The following EFCAB6 variants were observed in gnomAD, a reference collection of about 807,000 sequenced individuals.
EFCAB6 encodes EF-hand calcium-binding domain-containing protein 6.
A neutral mutation model predicts 169.8 loss-of-function variants in EFCAB6; 156 were observed. That is an observed-to-expected ratio of 0.92 (90% confidence interval 0.81 to 1.05). EFCAB6 has a LOEUF of 1.05. Among genes scored for constraint, EFCAB6 ranks in the 50% least tolerant of loss-of-function variants. EFCAB6 has a pLI of 0.00. For missense variants in EFCAB6, 1,800 were observed against 1,829.1 expected (o/e 0.98, Z 0.29); for synonymous variants, 698 against 676.4 (o/e 1.03, Z -0.50).
chr22:43,599,146 C>T (rs774189151), intron 23 of EFCAB6, among the ~76,000 whole-genome samples: 8 of 152,102 alleles, frequency 5.3e-5, no homozygotes, highest in East Asian at 1.9e-4. Context: ...CCACAGTGGC[C>T]GCAGCAGGCA....
chr22:43,668,109 C>A (rs917932671), intron 16 of EFCAB6, among the ~76,000 whole-genome samples: 2 of 152,170 alleles, frequency 1.3e-5, no homozygotes, highest in African/African-American at 4.8e-5. Context: ...CATCTTTATG[C>A]CCATTTATAA....
rs778220874 is a variant in EFCAB6, at chr22:43,699,858, C to T, written c.1031+11617G>A. On this transcript the variant is annotated intron_variant, in intron 10 of 31. Coordinates refer to ENST00000262726, the MANE Select transcript of EFCAB6 (RefSeq NM_022785.4). ...TTTTCTGTTTGTATAGCTTCTGCCA[C>T]GCTACTATTGTTACCAGCGTGAATG... Among the ~76,000 whole-genome samples, 12 of 152,258 alleles carry T rather than the reference C, an allele frequency of 7.9e-5. No homozygotes were observed. In the East Asian group the frequency reaches 1.4e-3, roughly 17 times the overall value.
In EFCAB6 at chr22:43,540,367, G is replaced by A; in HGVS notation, c.3649-10C>T. 6.2e-7 allele frequency: 1 copy of A among 1,613,898 alleles called. No homozygotes were observed. Among genetic ancestry groups the A allele is most frequent in the Non-Finnish European group, 8.5e-7 (1 of 1,180,042 alleles). ...TCCAGAGTCTGTCAAACTGGAGAAG[G>A]AGCAGAAGTCATTTCCCAGGTGTCA... On this transcript the variant is annotated splice_polypyrimidine_tract_variant and intron_variant, in intron 27 of 31. Coordinates refer to ENST00000262726, the MANE Select transcript of EFCAB6 (RefSeq NM_022785.4).
At chr22:43,782,490 C>A (rs578095741) in intron 2 of EFCAB6, among the ~76,000 whole-genome samples, 165 bp from the exon 3 acceptor site, 4 of 152,254 alleles carry the variant, frequency 2.6e-5, no homozygotes, top group Admixed American at 6.5e-5. Context: ...AAAGTGAACA[C>A]AAAAATCATC....
chr22:43,605,565 C>T (rs1030754872), intron 22 of EFCAB6, among the ~76,000 whole-genome samples: 1 of 124,206 alleles, frequency 8.1e-6, no homozygotes, highest in African/African-American at 3.2e-5. Context: ...ATCGCTTGAA[C>T]CTGGGAGGCG....
chr22:43,664,999 G>A (rs2057179832), intron 17 of EFCAB6, among the ~76,000 whole-genome samples: 1 of 152,150 alleles, frequency 6.6e-6, no homozygotes, highest in South Asian at 2.1e-4. Flanking sequence ...TATCTGGAAG[G>A]GAGCCAACAG....
chr22:43,530,679 A>T, intron 31 of EFCAB6, 136 bp downstream of exon 31: 1 of 1,501,290 alleles, frequency 6.7e-7, no homozygotes, highest in Non-Finnish European at 8.8e-7. Context: ...TGGGGGTCCC[A>T]GGGAAGTGAG....
chr22:43,636,021 G>A (rs2055364653), intron 17 of EFCAB6, among the ~76,000 whole-genome samples: 1 of 152,226 alleles, frequency 6.6e-6, no homozygotes, highest in African/African-American at 2.4e-5. Context: ...GCTGATCTCA[G>A]AGTATTCACA....
At chr22:43,763,831 G>C (rs2061243322) in intron 5 of EFCAB6, among the ~76,000 whole-genome samples, 1 of 151,948 alleles carries the variant, frequency 6.6e-6, no homozygotes, top group African/African-American at 2.4e-5. Context: ...GAGTGCAGTG[G>C]CACAATCTTG....
intron 27 of EFCAB6, chr22:43,552,388 C>T (rs2147049353): frequency 6.6e-6 from 1 of 152,338 alleles, no homozygotes; most frequent in Non-Finnish European, 1.5e-5. Context: ...GTGTCATCCA[C>T]AATGGCTAAA....
At chr22:43,751,888 G>A (rs955437022) in intron 6 of EFCAB6, among the ~76,000 whole-genome samples, 12 of 152,116 alleles carry the variant, frequency 7.9e-5, no homozygotes, top group Non-Finnish European at 1.5e-4. Flanking sequence ...TGCCTCATGG[G>A]GTTCACCTGG....
chr22:43,785,782 A>C (rs1445556946), intron 2 of EFCAB6, among the ~76,000 whole-genome samples: 2 of 152,190 alleles, frequency 1.3e-5, no homozygotes, highest in African/African-American at 4.8e-5. Flanking sequence ...GAAAACACTC[A>C]AATTATTAAA....
chr22:43,791,956 G>A (rs2062310561), intron 2 of EFCAB6, among the ~76,000 whole-genome samples: 1 of 152,192 alleles, frequency 6.6e-6, no homozygotes, highest in Admixed American at 6.5e-5. Context: ...GAGCCTCGCT[G>A]GTTCCCACGG....
In EFCAB6 at chr22:43,808,359, A is replaced by C. The variant is rs1220040282; in HGVS notation, c.-8+636T>G. On this transcript the variant is annotated intron_variant, in intron 2 of 31. Coordinates refer to ENST00000262726, the MANE Select transcript of EFCAB6 (RefSeq NM_022785.4). ...CCACAGATACTGAGGGACCACTGGAATATCTCTCCTTTAAGCAAGTATTCT... is the reference window on the plus strand; with the variant it reads ...CCACAGATACTGAGGGACCACTGGACTATCTCTCCTTTAAGCAAGTATTCT... 2.6e-5 allele frequency among the ~76,000 whole-genome samples: 4 copies of C among 152,214 alleles called. No homozygotes were observed. In the South Asian group the frequency reaches 8.3e-4, roughly 32 times the overall value.
chr22:43,576,473 C>G lies in EFCAB6; in HGVS notation c.3244G>C (p.Asp1082His). ...TTTACAAATCCTGTATCCTCTTTAT[C>G]CAATGCAGAAAATGCCTAAAAAGAA... ...LALSTAFSALDKEDTGFVKAT... is the reference protein window; with the variant it reads ...LALSTAFSALHKEDTGFVKAT... Residue 1082 changes from aspartate (D) to histidine (H), a missense_variant, in exon 26 of 32, where the codon GAT (aspartate) becomes CAT (histidine). By Grantham distance (81) the Asp-to-His change is moderately conservative. Transcript: ENST00000262726. 6.5e-7 allele frequency: 1 copy of G among 1,542,492 alleles called. No homozygotes were observed. Among genetic ancestry groups the G allele is most frequent in the Non-Finnish European group, 8.7e-7 (1 of 1,153,664 alleles).
intron 12 of EFCAB6, among the ~76,000 whole-genome samples, chr22:43,679,635 T>C (rs914152720): frequency 1.3e-5 from 2 of 152,212 alleles, no homozygotes; most frequent in Non-Finnish European, 2.9e-5. Context: ...CACATATCCT[T>C]GTCAACACTT....
chr22:43,751,517 G>A (rs1033876281), intron 6 of EFCAB6, among the ~76,000 whole-genome samples: 1 of 152,224 alleles, frequency 6.6e-6, no homozygotes, highest in Non-Finnish European at 1.5e-5. Context: ...GGTCTCGGGC[G>A]CTGCCACCAC....
chr22:43,544,814 G>A (rs575058048), intron 27 of EFCAB6, among the ~76,000 whole-genome samples: 215 of 152,108 alleles, frequency 1.4e-3, no homozygotes, highest in Non-Finnish European at 2.2e-3. Context: ...ATAGTCTCCA[G>A]ATAAATCAGA....
chr22:43,663,749 G>T (rs1203271888), intron 17 of EFCAB6, among the ~76,000 whole-genome samples: 1 of 152,124 alleles, frequency 6.6e-6, no homozygotes, highest in East Asian at 1.9e-4. Context: ...AATGGGATTA[G>T]AGCCCGTATA....
Sources: allele counts gnomAD v4.1 joint callset (sites outside exome capture counted in the v4.1 genomes callset), GRCh38; gene constraint gnomAD v4.1.1; transcripts MANE v1.5; gene names NCBI Gene and HGNC (gene_info 2026-07-23, HGNC 2026-07-21).